Variants in USP22 observed in about 807,000 individuals in gnomAD.
The protein encoded by USP22 is ubiquitin carboxyl-terminal hydrolase 22.
Under a neutral mutation model 68.1 loss-of-function variants are expected in USP22, and 22 were observed. The ratio of observed to expected loss-of-function variants is 0.32; its 90% CI spans 0.23 to 0.46. USP22 has a LOEUF of 0.46. Ranked by LOEUF, USP22 falls within the 20% of genes least tolerant of loss-of-function variation. The pLI is 1.00. For synonymous variants in USP22, 279 were observed against 274.2 expected (o/e 1.02, Z -0.17); for missense variants, 433 against 695.8 (o/e 0.62, Z 4.25).
intron 2 of USP22, among the ~76,000 whole-genome samples, chr17:21,023,200 G>A (rs567400943): frequency 6.6e-6 from 1 of 152,244 alleles, no homozygotes; most frequent in African/African-American, 2.4e-5. Flanking sequence ...GGAGAAGGGA[G>A]AGGATCAGGA....
At position 21,011,237 on chromosome 17, in the gene USP22, C is replaced by A; in HGVS notation, c.1017G>T (p.Trp339Cys). Residue 339 changes from tryptophan to cysteine, a missense_variant, in exon 8 of 13, where the codon TGG becomes TGT. Physicochemically the swap from Trp to Cys is radical, Grantham distance 215. This residue lies in a region of USP22 where 178 missense variants were observed against 351.5 expected (regional missense o/e 0.51). Transcript: ENST00000261497. Reference protein sequence around the residue: ...LDLPGSSTPFWPLSPGSEGNV... With the variant: ...LDLPGSSTPFCPLSPGSEGNV... ...TGCCCTCGCTCCCTGGGCTCAGGGG[C>A]CAGAATGGGGTGGAAGAGCCGGGGA... 2.5e-6 allele frequency: 4 copies of A among 1,606,324 alleles called. No individual in the cohort carries two copies. The highest frequency in any genetic ancestry group is 3.4e-6 in the Non-Finnish European group (4 of 1,176,434).
intron 1 of USP22, among the ~76,000 whole-genome samples, chr17:21,035,085 G>T (rs1458799978): frequency 2.0e-5 from 3 of 152,104 alleles, no homozygotes; most frequent in Non-Finnish European, 4.4e-5. Context: ...AAGCAAACTG[G>T]GGCAAAATCC....
chr17:21,041,162 C>T (rs1372617906), intron 1 of USP22, among the ~76,000 whole-genome samples: 1 of 151,994 alleles, frequency 6.6e-6, no homozygotes, highest in Non-Finnish European at 1.5e-5. Flanking sequence ...GGATTACAGG[C>T]GTCAGCCACC....
intron 9 of USP22, 135 bp from the exon 10 acceptor site, chr17:21,007,122 T>C: frequency 1.4e-6 from 1 of 715,436 alleles, no homozygotes; most frequent in Non-Finnish European, 2.2e-6. Context: ...TGTAGCTACA[T>C]CTAGAATTAC....
At chr17:21,042,533 G>A (rs1458184961) in intron 1 of USP22, 132 bp downstream of exon 1, 2 of 861,304 alleles carry the variant, frequency 2.3e-6, no homozygotes, top group East Asian at 6.7e-5. Context: ...AGGGCAGAAG[G>A]AGAGAGGAAG....
intron 6 of USP22, among the ~76,000 whole-genome samples, chr17:21,015,475 G>A (rs761175769): frequency 3.3e-5 from 5 of 152,070 alleles, no homozygotes; most frequent in African/African-American, 9.7e-5. Context: ...GGCCCAAGAG[G>A]GCTCCAAGAG....
intron 2 of USP22, among the ~76,000 whole-genome samples, chr17:21,025,685 T>C (rs1972210940): frequency 6.6e-6 from 1 of 151,964 alleles, no homozygotes; most frequent in Non-Finnish European, 1.5e-5. Context: ...GAAATACTAA[T>C]CCATAATACA....
intron 1 of USP22, among the ~76,000 whole-genome samples, chr17:21,037,245 T>C: frequency 6.6e-6 from 1 of 152,012 alleles, no homozygotes; most frequent in African/African-American, 2.4e-5. Context: ...TACATAAACG[T>C]TCCAAATAAT....
intron 2 of USP22, among the ~76,000 whole-genome samples, chr17:21,026,498 A>T (rs539487283): frequency 5.1e-4 from 78 of 151,814 alleles, no homozygotes; most frequent in African/African-American, 1.7e-3. Context: ...TAATTTTTAA[A>T]TTTTTTGTAG....
chr17:21,023,693 T>C (rs9894624), intron 2 of USP22, among the ~76,000 whole-genome samples: 119,183 of 149,644 alleles, frequency 0.8, 47,935 homozygotes, highest in African/African-American at 0.86. Context: ...TAAATCCACG[T>C]GATGTCAGAC....
Position 21,012,774 on chromosome 17 carries a change from A to G in USP22, c.944+56T>C, listed in dbSNP as rs1215596165. On this transcript the variant is annotated intron_variant, in intron 7 of 12. Transcript: ENST00000261497. Reference sequence around the variant, plus strand: ...ACACACAGCTCTGGAGACTGGGAGGATGTCAGTACGGCCCCAGAGGGTTTG... The same window carrying G: ...ACACACAGCTCTGGAGACTGGGAGGGTGTCAGTACGGCCCCAGAGGGTTTG... 4.7e-6 allele frequency: 7 copies of G among 1,475,368 alleles called. No individual in the cohort carries two copies. In the Admixed American group the frequency reaches 5.0e-5, roughly 11 times the overall value. The allele number at this position is 1,475,368 out of a possible 1,614,324, so 91.4% of individuals were successfully genotyped here.
At chr17:21,014,861 G>A (rs558224738) in intron 6 of USP22, among the ~76,000 whole-genome samples, 137 of 152,330 alleles carry the variant, frequency 9.0e-4, no homozygotes, top group African/African-American at 3.2e-3. Context: ...TGAGCGCATG[G>A]GTTCTCAGAG....
At chr17:21,020,813 A>C (rs1448098686) in intron 3 of USP22, among the ~76,000 whole-genome samples, 1 of 152,078 alleles carries the variant, frequency 6.6e-6, no homozygotes, top group Non-Finnish European at 1.5e-5. Flanking sequence ...GGGAGAGCTT[A>C]AGTAATGCTG....
intron 8 of USP22, among the ~76,000 whole-genome samples, chr17:21,010,537 C>T (rs926677008): frequency 2.2e-5 from 3 of 133,412 alleles, no homozygotes; most frequent in Non-Finnish European, 5.2e-5. Context: ...ATTAGCCAGG[C>T]GTGGTGGTGC....
chr17:21,005,870 G>C (rs1393694030), intron 10 of USP22, among the ~76,000 whole-genome samples: 1 of 152,228 alleles, frequency 6.6e-6, no homozygotes, highest in East Asian at 1.9e-4. Context: ...AAGATGTTGA[G>C]ATGAGATCCT....
upstream of USP22, chr17:21,043,032 G>T (rs1356406728): frequency 6.8e-6 from 2 of 294,072 alleles, no homozygotes; most frequent in African/African-American, 4.5e-5. Context: ...CCCCCGAGCT[G>T]CGGCTGCTGC....
At chr17:21,027,278 C>T (rs1384370693) in intron 2 of USP22, among the ~76,000 whole-genome samples, 2 of 59,854 alleles carry the variant, frequency 3.3e-5, no homozygotes, top group Non-Finnish European at 7.2e-5. Flanking sequence ...CCAGACAAAG[C>T]GAGACCCTGT....
At chr17:21,030,062 A>G (rs1216400643) in intron 1 of USP22, among the ~76,000 whole-genome samples, 1 of 152,222 alleles carries the variant, frequency 6.6e-6, no homozygotes, top group East Asian at 1.9e-4. Context: ...GTCCCTCGGT[A>G]TCTAGGAATT....
rs1913644692 is a variant in USP22 at position 21,002,992 on chromosome 17, A to G, written c.*39T>C. 1 of 1,611,566 alleles carries G rather than the reference A, an allele frequency of 6.2e-7. No individual in the cohort carries two copies. The highest frequency in any genetic ancestry group is 1.1e-5 in the South Asian group (1 of 91,014). On this transcript the variant is annotated 3_prime_UTR_variant, in exon 13 of 13. Transcript: ENST00000261497. Reference sequence around the variant, plus strand: ...GAGGATCACTTTGTGAGGCTTGCCAATGCATTGCCTTTGTTTTTCTGACCA... The same window carrying G: ...GAGGATCACTTTGTGAGGCTTGCCAGTGCATTGCCTTTGTTTTTCTGACCA...
Sources: gnomAD v4.1 joint callset for allele counts (sites outside exome capture counted in the v4.1 genomes callset) on GRCh38, gnomAD v4.1.1 for gene constraint, gnomAD v4.1.1 regional missense constraint, MANE v1.5 for transcripts, NCBI Gene and HGNC (gene_info 2026-07-23, HGNC 2026-07-21) for gene names.